KIAA1586: variants seen among roughly 807,000 people sequenced by gnomAD.
KIAA1586 encodes E3 SUMO-protein ligase KIAA1586.
In KIAA1586, 5 loss-of-function variants were observed where a neutral mutation model predicts 6.1. The ratio of observed to expected loss-of-function variants is 0.82; its 90% CI spans 0.43 to 1.73. The LOEUF is 1.73. Ranked by LOEUF, KIAA1586 falls within the 40% of genes most tolerant of loss-of-function variation. The probability of loss-of-function intolerance (pLI) is 0.02; values close to 1 mark genes in which losing one functional copy is unlikely to be tolerated. For missense variants in KIAA1586, 899 were observed against 878.2 expected, an observed-to-expected ratio of 1.02 and a Z score of -0.30; for synonymous variants, 280 against 301.7, an observed-to-expected ratio of 0.93 and a Z score of 0.75.
chr6:57,054,714 C>G lies in KIAA1586; in HGVS notation c.2215C>G (p.Leu739Val), dbSNP rs1401480095. 6.4e-7 allele frequency: 1 copy of G among 1,551,494 alleles called. No individual in the cohort carries two copies. Among genetic ancestry groups the G allele is most frequent in the Admixed American group, 2.0e-5 (1 of 51,004 alleles). ...ATCAGATTTAATGACAATAAATTTACTGGGGAAAGAATTAGCAGATTGGGA... is the reference window on the plus strand; with the variant it reads ...ATCAGATTTAATGACAATAAATTTAGTGGGGAAAGAATTAGCAGATTGGGA... ...HVSDLMTINL[L>V]GKELADWDAT... The change falls in exon 4 of 4, where the codon CTG (leucine) becomes GTG (valine). Residue 739 changes from leucine to valine, a missense_variant. By Grantham distance (32) the Leu-to-Val change is conservative. Coordinates refer to ENST00000370733, the MANE Select transcript of KIAA1586 (RefSeq NM_020931.4).
Position 57,053,261 on chromosome 6 carries a change from C to T in KIAA1586, c.762C>T (p.Tyr254=), listed in dbSNP as rs766704732. The change falls in exon 4 of 4, where the codon TAC becomes TAT. Residue 254 remains tyrosine (Y), a synonymous_variant. Coordinates refer to ENST00000370733, the MANE Select transcript of KIAA1586 (RefSeq NM_020931.4). ...CTGTAAAAGTTTTCAATACTGTTTA[C>T]AGTTTAGTAAAACATAACAGACCTT... ...DATVKVFNTV[Y]SLVKHNRPLS... 1 of 1,604,500 alleles carries T rather than the reference C, an allele frequency of 6.2e-7. No individual in the cohort carries two copies. The highest frequency in any genetic ancestry group is 8.5e-7 in the Non-Finnish European group (1 of 1,177,088).
In KIAA1586 at chr6:57,052,630, A is replaced by G. The variant is rs1250920804; in HGVS notation, c.187-56A>G. The G allele has an allele frequency of 6.6e-6, 9 of 1,358,646 alleles. No homozygotes were observed. The East Asian group carries it at 1.9e-4, about 29-fold the overall frequency. 84.2% of individuals were successfully genotyped at this position (1,358,646 alleles called of 1,614,324 possible). On this transcript the variant is annotated intron_variant, in intron 3 of 3. Coordinates refer to ENST00000370733, the MANE Select transcript of KIAA1586 (RefSeq NM_020931.4). ...TAGATAATCACTAAGAGAACTTTTT[A>G]CATTGACCCTTAAAGTGTTATGAAT...
chr6:57,059,081 T>C (rs1828533161), downstream of KIAA1586, among the ~76,000 whole-genome samples: 1 of 152,212 alleles, frequency 6.6e-6, no homozygotes, highest in Non-Finnish European at 1.5e-5. Context: ...CTGTGAATTT[T>C]ATGAAATGTA....
At chr6:57,056,399 G>C (rs138639581), downstream of KIAA1586, among the ~76,000 whole-genome samples, 1 of 151,300 alleles carries the variant, frequency 6.6e-6, no homozygotes, top group African/African-American at 2.4e-5. Context: ...TATAGAGACG[G>C]GGTTCCACCT....
chr6:57,056,912 C>T (rs1216495655), downstream of KIAA1586, among the ~76,000 whole-genome samples: 1 of 151,500 alleles, frequency 6.6e-6, no homozygotes, highest in Non-Finnish European at 1.5e-5. Flanking sequence ...GAATAAAAGC[C>T]TAAATAAGAT....
chr6:57,056,823 C>T (rs1436831527), downstream of KIAA1586, among the ~76,000 whole-genome samples: 1 of 151,800 alleles, frequency 6.6e-6, no homozygotes, highest in Non-Finnish European at 1.5e-5. Context: ...TAGGCATGAA[C>T]CACCATGCCT....
At chr6:57,061,259 A>C in the KIAA1586 span, among the ~76,000 whole-genome samples, 1 of 152,158 alleles carries the variant, frequency 6.6e-6, no homozygotes, top group African/African-American at 2.4e-5. Context: ...TACAGGCATG[A>C]GCCACCGCGC....
downstream of KIAA1586, among the ~76,000 whole-genome samples, chr6:57,056,067 G>A (rs1013390449): frequency 2.6e-5 from 4 of 151,306 alleles, no homozygotes; most frequent in African/African-American, 9.7e-5. Context: ...TTTTTTTCCC[G>A]AGACAGAGTC....
chr6:57,056,079 T>C (rs1828493343), downstream of KIAA1586, among the ~76,000 whole-genome samples: 1 of 152,004 alleles, frequency 6.6e-6, no homozygotes, highest in South Asian at 2.1e-4. Flanking sequence ...GACAGAGTCT[T>C]GTGGTGTCAC....
At chr6:57,066,577 T>C in the KIAA1586 span, among the ~76,000 whole-genome samples, 4 of 152,176 alleles carry the variant, frequency 2.6e-5, no homozygotes, top group Admixed American at 6.5e-5. Flanking sequence ...AATGTTTGCA[T>C]AGAGGACAGA....
At chr6:57,057,531 G>A (rs1177470437), downstream of KIAA1586, among the ~76,000 whole-genome samples, 1 of 152,050 alleles carries the variant, frequency 6.6e-6, no homozygotes, top group Non-Finnish European at 1.5e-5. Context: ...GAGGCAGGTG[G>A]ATCACCTGAG....
intron 2 of KIAA1586, among the ~76,000 whole-genome samples, chr6:57,049,678 G>C (rs1055300209): frequency 2.6e-5 from 4 of 152,092 alleles, no homozygotes; most frequent in East Asian, 3.9e-4. Flanking sequence ...ATTACCATTT[G>C]TCTAGATTGA....
rs1352885385 is a variant in KIAA1586 at position 57,054,956 on chromosome 6, ACT to A, written c.*94_*95del. The stretch of plus-strand genomic sequence containing the variant: ...TTTTTTTTTTTGGAAAGCCAGTTAA[ACT>A]TTTATCAGCATGTTGCTGTTTAAAA... On this transcript the variant is annotated 3_prime_UTR_variant, in exon 4 of 4. Coordinates refer to ENST00000370733, the MANE Select transcript of KIAA1586 (RefSeq NM_020931.4). 7.5e-7 allele frequency: 1 copy of A among 1,325,812 alleles called. No individual in the cohort carries two copies. The highest frequency in any genetic ancestry group is 1.5e-5 in the African/African-American group (1 of 67,466). 82.1% of individuals were successfully genotyped at this position (1,325,812 alleles called of 1,614,324 possible).
chr6:57,064,098 T>TA, the KIAA1586 span, among the ~76,000 whole-genome samples: 1 of 152,274 alleles, frequency 6.6e-6, no homozygotes, highest in East Asian at 1.9e-4. Flanking sequence ...CCACCCTGTG[T>TA]AACAGTGCTG....
At chr6:57,048,941 A>G (rs1828253222) in intron 2 of KIAA1586, among the ~76,000 whole-genome samples, 1 of 152,194 alleles carries the variant, frequency 6.6e-6, no homozygotes, top group South Asian at 2.1e-4. Flanking sequence ...TTAAATTGTG[A>G]GTTAATATAT....
chr6:57,064,118 C>T, the KIAA1586 span, among the ~76,000 whole-genome samples: 4 of 152,132 alleles, frequency 2.6e-5, no homozygotes, highest in East Asian at 1.9e-4. Flanking sequence ...GCATCAAACC[C>T]GAGAATTTCT....
downstream of KIAA1586, chr6:57,055,375 AT>A (rs1443744519): frequency 1.3e-5 from 2 of 151,118 alleles, no homozygotes; most frequent in Admixed American, 1.3e-4. Flanking sequence ...AATGTGAAAT[AT>A]TTTTCTGCTT....
downstream of KIAA1586, among the ~76,000 whole-genome samples, chr6:57,059,764 G>A (rs1425711677): frequency 2.0e-5 from 3 of 151,964 alleles, no homozygotes; most frequent in Admixed American, 6.6e-5. Flanking sequence ...TGTTCCGTAG[G>A]CATTTTAAAC....
intron 3 of KIAA1586, among the ~76,000 whole-genome samples, chr6:57,051,414 C>G (rs1828322151): frequency 6.6e-6 from 1 of 151,578 alleles, no homozygotes; most frequent in Non-Finnish European, 1.5e-5. Flanking sequence ...TTATTTGCAT[C>G]TATTGGTAGA....
Sources: gnomAD v4.1 joint callset for allele counts (sites outside exome capture counted in the v4.1 genomes callset) on GRCh38, gnomAD v4.1.1 for gene constraint, MANE v1.5 for transcripts, NCBI Gene and HGNC (gene_info 2026-07-23, HGNC 2026-07-21) for gene names.